The following CAMLG variants were observed in gnomAD, a reference collection of about 807,000 sequenced individuals.
CAMLG encodes calcium modulating ligand.
In CAMLG, 23 loss-of-function variants were observed where a neutral mutation model predicts 28.9. The observed-to-expected ratio is 0.80, with a 90% CI of 0.57 to 1.13. CAMLG has a LOEUF of 1.13. Ranked by LOEUF, CAMLG falls within the 50% of genes most tolerant of loss-of-function variation. The probability of loss-of-function intolerance (pLI) is 0.00; values close to 1 mark genes in which losing one functional copy is unlikely to be tolerated. For missense variants in CAMLG, 367 were observed against 371.9 expected (o/e 0.99, Z 0.11); for synonymous variants, 141 against 146.5 (o/e 0.96, Z 0.27).
intron 3 of CAMLG, among the ~76,000 whole-genome samples, chr5:134,748,700 T>C (rs1753078953): frequency 6.6e-6 from 1 of 152,198 alleles, no homozygotes; most frequent in South Asian, 2.1e-4. Context: ...GGAGTTTCTT[T>C]CATGCTCCTT....
chr5:134,750,480 G>C (rs1041883192), intron 3 of CAMLG, among the ~76,000 whole-genome samples: 1 of 151,974 alleles, frequency 6.6e-6, no homozygotes, highest in African/African-American at 2.4e-5. Flanking sequence ...AGAGGTTGCA[G>C]TGAGCCGAGA....
At chr5:134,744,105 C>T (rs1450041853) in intron 3 of CAMLG, 53 bp downstream of exon 3, 1 of 804,364 alleles carries the variant, frequency 1.2e-6, no homozygotes, top group African/African-American at 1.7e-5. Flanking sequence ...TGATTTATGA[C>T]TAGCTAATTG....
Position 134,745,384 on chromosome 5 carries a change from C to T in CAMLG, c.699+1332C>T, listed in dbSNP as rs1197835357. 2.1e-5 allele frequency among the ~76,000 whole-genome samples: 3 copies of T among 142,988 alleles called. No individual in the cohort carries two copies. The Admixed American group carries it at 2.2e-4, about 11-fold the overall frequency. The allele number at this position is 142,988 out of a possible 152,430, so 93.8% of individuals were successfully genotyped here. A position where few individuals can be genotyped will look rare whatever the true frequency, so the allele number is the denominator to read the frequency against. On this transcript the variant is annotated intron_variant, in intron 3 of 3. Transcript: ENST00000297156. ...CTGGGAGGCGGAGCTTGCAGTGAGC[C>T]GAGATTGCGCCACTGTACTCCAGCA...
chr5:134,743,243 G>A (rs957435612), intron 2 of CAMLG, among the ~76,000 whole-genome samples: 3 of 152,008 alleles, frequency 2.0e-5, no homozygotes, highest in East Asian at 1.9e-4. Context: ...AGATGTTACC[G>A]CATCTGTGTT....
At chr5:134,748,028 A>AT (rs1236806887) in intron 3 of CAMLG, among the ~76,000 whole-genome samples, 15 of 149,380 alleles carry the variant, frequency 1.0e-4, no homozygotes, top group Non-Finnish European at 1.2e-4. Flanking sequence ...CACCTGGCTA[A>AT]TTTTTTTTGT....
rs1752976431 is a variant in CAMLG at position 134,741,094 on chromosome 5, G to C, written c.204G>C (p.Gln68His). Residue 68 changes from glutamine to histidine, a missense_variant, in exon 2 of 4, where the codon CAG becomes CAC. Physicochemically the swap from Gln to His is conservative, Grantham distance 24 (BLOSUM62 0). Coordinates refer to ENST00000297156, the MANE Select transcript of CAMLG (RefSeq NM_001745.4). ...EEESQTKSKQQDSDKLNSLSV... is the reference protein window; with the variant it reads ...EEESQTKSKQHDSDKLNSLSV... ...AAAGTCAAACAAAATCAAAGCAGCA[G>C]GACAGTGATAAACTGAACTCCCTCA... is the stretch of plus-strand genomic sequence containing the variant. The C allele has an allele frequency of 6.2e-7, 1 of 1,613,734 alleles. No homozygotes were observed. The highest frequency in any genetic ancestry group is 8.5e-7 in the Non-Finnish European group (1 of 1,179,634).
At chr5:134,744,971 T>C (rs1021370486) in intron 3 of CAMLG, among the ~76,000 whole-genome samples, 26 of 152,200 alleles carry the variant, frequency 1.7e-4, no homozygotes, top group Non-Finnish European at 3.2e-4. Context: ...TGGGAGCTTT[T>C]TGCTGAAAAA....
At chr5:134,746,528 C>G (rs1753051060) in intron 3 of CAMLG, among the ~76,000 whole-genome samples, 1 of 152,060 alleles carries the variant, frequency 6.6e-6, no homozygotes, top group African/African-American at 2.4e-5. Flanking sequence ...GTCGCCCAGG[C>G]TGAAGTGCAG....
chr5:134,746,280 T>A (rs1049438219), intron 3 of CAMLG, among the ~76,000 whole-genome samples: 4 of 152,140 alleles, frequency 2.6e-5, no homozygotes, highest in Admixed American at 1.3e-4. Context: ...CTATACTAAT[T>A]TCTTTTTGAA....
At chr5:134,738,889 C>A in intron 1 of CAMLG, 97 bp downstream of exon 1, 1 of 1,206,114 alleles carries the variant, frequency 8.3e-7, no homozygotes, top group Non-Finnish European at 1.2e-6. Flanking sequence ...ACCTTTTTGA[C>A]CAAGCCTTGC....
Position 134,741,177 on chromosome 5 carries a change from C to T in CAMLG, c.287C>T (p.Thr96Ile). Residue 96 changes from threonine (T) to isoleucine (I), a missense_variant, in exon 2 of 4, where the codon ACT becomes ATT. Transcript: ENST00000297156. ...VLGDSVSTGT[T>I]DQQGGVAEVK... ...GGTGATTCAGTCAGTACAGGAACAACTGACCAGCAGGGTGGTGTGGCCGAG... is the reference window on the plus strand; with the variant it reads ...GGTGATTCAGTCAGTACAGGAACAATTGACCAGCAGGGTGGTGTGGCCGAG... 1 of 1,614,154 alleles carries T rather than the reference C, an allele frequency of 6.2e-7. No individual in the cohort carries two copies. Among genetic ancestry groups the T allele is most frequent in the Non-Finnish European group, 8.5e-7 (1 of 1,179,978 alleles).
chr5:134,745,683 G>A (rs546679674), intron 3 of CAMLG, among the ~76,000 whole-genome samples: 2 of 151,504 alleles, frequency 1.3e-5, no homozygotes, highest in African/African-American at 4.8e-5. Flanking sequence ...AAACTGGGAG[G>A]TGGAGGTTGC....
chr5:134,750,084 C>G (rs1272588549), intron 3 of CAMLG, among the ~76,000 whole-genome samples: 6 of 152,206 alleles, frequency 3.9e-5, no homozygotes, highest in African/African-American at 1.4e-4. Flanking sequence ...TAATTTATAT[C>G]TCCTGTGAGC....
intron 1 of CAMLG, among the ~76,000 whole-genome samples, chr5:134,740,758 C>T (rs569530157): frequency 3.9e-5 from 6 of 152,214 alleles, no homozygotes; most frequent in Non-Finnish European, 7.4e-5. Flanking sequence ...TACAGACACA[C>T]GCCACCACAC....
chr5:134,746,137 CA>C (rs1156938843), intron 3 of CAMLG, among the ~76,000 whole-genome samples: 3,825 of 77,112 alleles, frequency 0.05, 85 homozygotes, highest in African/African-American at 0.16. Flanking sequence ...AACTCCATCT[CA>C]AAAAAAAAAA....
At chr5:134,745,435 C>CAA (rs561389879) in intron 3 of CAMLG, among the ~76,000 whole-genome samples, 5,132 of 81,410 alleles carry the variant, frequency 0.063, 129 homozygotes, top group Middle Eastern at 0.12. Context: ...CGAGACTCCT[C>CAA]AAAAAAAAAA....
intron 3 of CAMLG, among the ~76,000 whole-genome samples, chr5:134,745,239 C>T (rs1360690015): frequency 6.6e-6 from 1 of 150,840 alleles, no homozygotes; most frequent in African/African-American, 2.4e-5. Context: ...AGATCGAGAG[C>T]ATCCTGGCTG....
chr5:134,744,084 T>C (rs759441623), intron 3 of CAMLG, 32 bp downstream of exon 3: 3 of 961,930 alleles, frequency 3.1e-6, no homozygotes, highest in Non-Finnish European at 4.9e-6. Flanking sequence ...ATTTCGATGA[T>C]GTGTTTGGAT....
Position 134,750,963 on chromosome 5 carries a change from T to G in CAMLG, c.*13T>G. 1 of 1,572,694 alleles carries G rather than the reference T, an allele frequency of 6.4e-7. No individual in the cohort carries two copies. ...TGAAGTACCATGAAGCCTGTAGAAC[T>G]GAGAAGGAGAAGCTTACAAAAAAAA... On this transcript the variant is annotated 3_prime_UTR_variant, in exon 4 of 4. Coordinates refer to ENST00000297156, the MANE Select transcript of CAMLG (RefSeq NM_001745.4).
Sources: allele counts gnomAD v4.1 joint callset (sites outside exome capture counted in the v4.1 genomes callset), GRCh38; gene constraint gnomAD v4.1.1; transcripts MANE v1.5; gene names NCBI Gene and HGNC (gene_info 2026-07-23, HGNC 2026-07-21).